Variants in CCND1 observed in about 807,000 individuals in gnomAD.
The protein encoded by CCND1 is G1/S-specific cyclin-D1.
A neutral mutation model predicts 26.1 loss-of-function variants in CCND1; 9 were observed. The observed-to-expected ratio is 0.35, with a 90% CI of 0.21 to 0.60. The LOEUF is 0.60. Ranked by LOEUF, CCND1 falls within the 20% of genes least tolerant of loss-of-function variation. CCND1 has a pLI of 0.79. For missense variants in CCND1, 335 were observed against 392.9 expected (o/e 0.85, Z 1.25); for synonymous variants, 194 against 166.1 (o/e 1.17, Z -1.29).
In CCND1 at chr11:69,643,231, G is replaced by A; in HGVS notation, c.399G>A (p.Arg133=). ...KLCIYTDNSI[R]PEELLQMELL... Reference sequence around the variant, plus strand: ...GCATCTACACCGACAACTCCATCCGGCCCGAGGAGCTGCTGGTAACCACTG... The same window carrying A: ...GCATCTACACCGACAACTCCATCCGACCCGAGGAGCTGCTGGTAACCACTG... Residue 133 remains arginine (R), a synonymous_variant, in exon 2 of 5, where the codon CGG becomes CGA. Transcript: ENST00000227507. 6.3e-7 allele frequency: 1 copy of A among 1,585,466 alleles called. No individual in the cohort carries two copies. The highest frequency in any genetic ancestry group is 1.3e-5 in the African/African-American group (1 of 74,328).
intron 3 of CCND1, among the ~76,000 whole-genome samples, chr11:69,644,843 C>G (rs889189946): frequency 1.3e-5 from 2 of 152,240 alleles, no homozygotes; most frequent in African/African-American, 4.8e-5. Flanking sequence ...CCACCCAGCT[C>G]TGCTGTGGCC....
rs2120121051 is a variant in CCND1 at position 69,651,253 on chromosome 11, C to A, written c.859C>A (p.Pro287Thr). 1 of 1,570,344 alleles carries A rather than the reference C, an allele frequency of 6.4e-7. No individual in the cohort carries two copies. Among genetic ancestry groups the A allele is most frequent in the Admixed American group, 1.8e-5 (1 of 55,734 alleles). ...GGAGGAGGTGGACCTGGCTTGCACA[C>A]CCACCGACGTGCGGGACGTGGACAT... ...EEEEVDLACT[P>T]TDVRDVDI Residue 287 changes from proline to threonine, a missense_variant, in exon 5 of 5, where the codon CCC becomes ACC. By Grantham distance (38) the Pro-to-Thr change is conservative (BLOSUM62 -1). Coordinates refer to ENST00000227507, the MANE Select transcript of CCND1 (RefSeq NM_053056.3).
At position 69,643,846 on chromosome 11, in the gene CCND1, C is replaced by T. The variant is rs1202307647; in HGVS notation, c.429C>T (p.Leu143=). Residue 143 remains leucine, a synonymous_variant, in exon 3 of 5, where the codon CTC becomes CTT. Transcript: ENST00000227507. The part of the protein sequence containing the change: ...RPEELLQMEL[L]LVNKLKWNLA... Reference sequence around the variant, plus strand: ...TGTGTTCGCAGCAAATGGAGCTGCTCCTGGTGAACAAGCTCAAGTGGAACC... The same window carrying T: ...TGTGTTCGCAGCAAATGGAGCTGCTTCTGGTGAACAAGCTCAAGTGGAACC... 6.2e-7 allele frequency: 1 copy of T among 1,610,180 alleles called. No individual in the cohort carries two copies. Among genetic ancestry groups the T allele is most frequent in the Non-Finnish European group, 8.5e-7 (1 of 1,177,316 alleles).
rs1855883115 is a variant in CCND1, at chr11:69,653,589, C to T, written c.*2307C>T. The T allele has an allele frequency of 8.0e-6, 4 of 502,846 alleles. No individual in the cohort carries two copies. Among genetic ancestry groups the T allele is most frequent in the South Asian group, 2.6e-5 (1 of 38,452 alleles). 31.1% of individuals were successfully genotyped at this position (502,846 alleles called of 1,614,324 possible). ...GCGGGCGCGATCCCACACAGGCTGG[C>T]GGGGGCCGGCCCCGAGGCCGCGTGC... On this transcript the variant is annotated 3_prime_UTR_variant, in exon 5 of 5. Transcript: ENST00000227507.
intron 3 of CCND1, 146 bp downstream of exon 3, chr11:69,644,137 G>T (rs548186625): frequency 1.3e-6 from 1 of 758,734 alleles, no homozygotes; most frequent in Non-Finnish European, 2.3e-6. Flanking sequence ...TTCCAGCTCT[G>T]GTGAGCAGAG....
chr11:69,654,116 G>GGCCCC lies in CCND1; in HGVS notation c.*2834_*2835insGCCCC. The GGCCCC allele has an allele frequency of 2.0e-4, 130 of 651,370 alleles. No homozygotes were observed. The highest frequency in any genetic ancestry group is 3.3e-4 in the East Asian group (12 of 35,838). The allele number at this position is 651,370 out of a possible 1,614,324, so 40.3% of individuals were successfully genotyped here. On this transcript the variant is annotated 3_prime_UTR_variant, in exon 5 of 5. Coordinates refer to ENST00000227507, the MANE Select transcript of CCND1 (RefSeq NM_053056.3). The surrounding 1 kb of genome is among the most constrained non-coding windows in gnomAD (Gnocchi z 6.3). ...TGCTCGGAGGCCATCTCGGGCACAG[G>GGCCCC]CCCACCCCGCCCCACCCCTCCAGAA...
chr11:69,643,627 T>C, intron 2 of CCND1: 1 of 512,426 alleles, frequency 2.0e-6, no homozygotes, highest in South Asian at 3.3e-5. Context: ...TTTTCTGTTT[T>C]GATCTGGGAT....
chr11:69,644,491 G>C (rs1319536667), intron 3 of CCND1, among the ~76,000 whole-genome samples: 5 of 152,182 alleles, frequency 3.3e-5, no homozygotes, highest in Non-Finnish European at 7.4e-5. Flanking sequence ...CTGGGCAGCC[G>C]AGTGCAGGGG....
At position 69,652,154 on chromosome 11, in the gene CCND1, T is replaced by C. The variant is rs1156883501; in HGVS notation, c.*872T>C. ...AGTGACATAATATATTCTATTTTTA[T>C]ACTCTTCCTATTTTTGTAGTGACCT... On this transcript the variant is annotated 3_prime_UTR_variant, in exon 5 of 5. Transcript: ENST00000227507. The C allele has an allele frequency of 4.3e-6, 1 of 233,608 alleles. No homozygotes were observed. Among genetic ancestry groups the C allele is most frequent in the East Asian group, 6.0e-5 (1 of 16,610 alleles). The allele number at this position is 233,608 out of a possible 1,614,324, so 14.5% of individuals were successfully genotyped here.
intron 4 of CCND1, among the ~76,000 whole-genome samples, chr11:69,650,792 C>T (rs116350141): frequency 8.8e-4 from 132 of 150,166 alleles, no homozygotes; most frequent in African/African-American, 3.0e-3. Flanking sequence ...GGAGCTGGCA[C>T]GGCCAGTGGG....
At chr11:69,647,452 G>A (rs1027318632) in intron 3 of CCND1, among the ~76,000 whole-genome samples, 1 of 151,760 alleles carries the variant, frequency 6.6e-6, no homozygotes, top group Non-Finnish European at 1.5e-5. Flanking sequence ...ACACGGAATG[G>A]CTTCATCAGT....
chr11:69,646,888 G>C (rs1855789526), intron 3 of CCND1, among the ~76,000 whole-genome samples: 1 of 152,266 alleles, frequency 6.6e-6, no homozygotes, highest in African/African-American at 2.4e-5. Context: ...CACTACTGCA[G>C]CCTGGCAGGC....
Position 69,653,456 on chromosome 11 carries a change from G to A in CCND1, c.*2174G>A. ...TTTATGTGATCAATTTTGACTTAAT[G>A]TGATTACTGCTCTATTCCAAAAAGG... On this transcript the variant is annotated 3_prime_UTR_variant, in exon 5 of 5. Coordinates refer to ENST00000227507, the MANE Select transcript of CCND1 (RefSeq NM_053056.3). 2 of 600,700 alleles carry A rather than the reference G, an allele frequency of 3.3e-6. No homozygotes were observed. The highest frequency in any genetic ancestry group is 5.8e-6 in the Non-Finnish European group (2 of 345,456). 37.2% of individuals were successfully genotyped at this position (600,700 alleles called of 1,614,324 possible). A position where few individuals can be genotyped will look rare whatever the true frequency, so the allele number is the denominator to read the frequency against.
Position 69,641,321 on chromosome 11 carries a change from A to G in CCND1, c.8A>G (p.His3Arg), listed in dbSNP as rs545664320. 6.2e-7 allele frequency: 1 copy of G among 1,611,906 alleles called. No individual in the cohort carries two copies. Among genetic ancestry groups the G allele is most frequent in the East Asian group, 2.2e-5 (1 of 44,860 alleles). ME[H>R]QLLCCEVETI... ...CCAGGAAGAGCCCCAGCCATGGAAC[A>G]CCAGCTCCTGTGCTGCGAAGTGGAA... The change falls in exon 1 of 5, where the codon CAC becomes CGC. Residue 3 changes from histidine (H) to arginine (R), a missense_variant. Transcript: ENST00000227507.
At position 69,653,763 on chromosome 11, in the gene CCND1, T is replaced by C. The variant is rs1012529446; in HGVS notation, c.*2481T>C. The C allele has an allele frequency of 7.0e-6, 2 of 285,670 alleles. No individual in the cohort carries two copies. Among genetic ancestry groups the C allele is most frequent in the African/African-American group, 4.3e-5 (2 of 46,718 alleles). The allele number at this position is 285,670 out of a possible 1,614,324, so 17.7% of individuals were successfully genotyped here. ...ATTCTTTGCGTGTAGCTATGGAAGT[T>C]GCATAATTATTATTATTATTATTAT... is the stretch of plus-strand genomic sequence containing the variant. On this transcript the variant is annotated 3_prime_UTR_variant, in exon 5 of 5. Coordinates refer to ENST00000227507, the MANE Select transcript of CCND1 (RefSeq NM_053056.3).
At position 69,648,078 on chromosome 11, in the gene CCND1, C is replaced by T. The variant is rs747703578; in HGVS notation, c.659C>T (p.Pro220Leu). The T allele has an allele frequency of 2.5e-6, 4 of 1,613,852 alleles. No homozygotes were observed. The African/African-American group carries it at 4.0e-5, about 16-fold the overall frequency. The change falls in exon 4 of 5, where the codon CCC becomes CTC. Residue 220 changes from proline (P) to leucine (L), a missense_variant. Physicochemically the swap from Pro to Leu is moderately conservative, Grantham distance 98 (BLOSUM62 -3). Transcript: ENST00000227507. Reference protein sequence around the residue: ...AAVQGLNLRSPNNFLSYYRLT... With the variant: ...AAVQGLNLRSLNNFLSYYRLT... Reference sequence around the variant, plus strand: ...GTGCAAGGCCTGAACCTGAGGAGCCCCAACAACTTCCTGTCCTACTACCGC... The same window carrying T: ...GTGCAAGGCCTGAACCTGAGGAGCCTCAACAACTTCCTGTCCTACTACCGC...
rs1855885783 is a variant in CCND1 at position 69,653,718 on chromosome 11, G to C, written c.*2436G>C. 3.3e-6 allele frequency: 1 copy of C among 301,504 alleles called. No homozygotes were observed. The highest frequency in any genetic ancestry group is 4.6e-5 in the Admixed American group (1 of 21,858). 18.7% of individuals were successfully genotyped at this position (301,504 alleles called of 1,614,324 possible). A position where few individuals can be genotyped will look rare whatever the true frequency, so the allele number is the denominator to read the frequency against. ...ATCTGATCGGGGGCGTAGCATCATAGTAGTTTTTACAGCTGTGTTATTCTT... is the reference window on the plus strand; with the variant it reads ...ATCTGATCGGGGGCGTAGCATCATACTAGTTTTTACAGCTGTGTTATTCTT... On this transcript the variant is annotated 3_prime_UTR_variant, in exon 5 of 5. Coordinates refer to ENST00000227507, the MANE Select transcript of CCND1 (RefSeq NM_053056.3).
chr11:69,641,990 A>G (rs369624620), intron 1 of CCND1, among the ~76,000 whole-genome samples: 3 of 146,260 alleles, frequency 2.1e-5, no homozygotes, highest in Admixed American at 6.7e-5. Context: ...TTTATTGCAA[A>G]GCAAAAGTGT....
At chr11:69,647,442 A>G (rs1230351376) in intron 3 of CCND1, among the ~76,000 whole-genome samples, 2 of 151,578 alleles carry the variant, frequency 1.3e-5, no homozygotes, top group Non-Finnish European at 2.9e-5. Context: ...CCCTCAAGGG[A>G]CACGGAATGG....
Sources: gnomAD v4.1 joint callset for allele counts (sites outside exome capture counted in the v4.1 genomes callset) on GRCh38, gnomAD v4.1.1 for gene constraint, Gnocchi (gnomAD v3.1) non-coding constraint, MANE v1.5 for transcripts, NCBI Gene and HGNC (gene_info 2026-07-23, HGNC 2026-07-21) for gene names.